UBFD1: variants seen among roughly 807,000 people sequenced by gnomAD.
UBFD1 encodes the protein ubiquitin family domain containing 1.
UBFD1 carries 12 observed loss-of-function variants against 35.1 expected under a neutral mutation model. That is an observed-to-expected ratio of 0.34 (90% CI 0.22 to 0.55). The LOEUF (loss-of-function observed/expected upper bound fraction) is 0.55, where lower values mean the gene tolerates loss of function less well. Ranked by LOEUF, UBFD1 falls within the 20% of genes least tolerant of loss-of-function variation. The pLI is 0.89. For missense variants in UBFD1, 337 were observed against 410.8 expected (o/e 0.82, Z 1.55); for synonymous variants, 178 against 167.6 (o/e 1.06, Z -0.48).
chr16:23,564,094 G>A (rs1216745661), intron 5 of UBFD1: 1 of 152,196 alleles, frequency 6.6e-6, no homozygotes, highest in African/African-American at 2.4e-5. Flanking sequence ...AGCACTGTAG[G>A]TATTCAGTGT....
intron 5 of UBFD1, chr16:23,566,593 C>A (rs954962530): frequency 1.8e-5 from 3 of 163,250 alleles, no homozygotes; most frequent in African/African-American, 7.2e-5. Flanking sequence ...AACTCCTGAT[C>A]TCAGGTGATC....
At chr16:23,559,249 T>C (rs1965890881) in intron 2 of UBFD1, 2 of 465,688 alleles carry the variant, frequency 4.3e-6, no homozygotes, top group South Asian at 5.0e-5. Context: ...ATTGGTCTCT[T>C]AATCCTTGAA....
At chr16:23,559,074 T>C (rs1231941526) in intron 2 of UBFD1, 1 of 160,468 alleles carries the variant, frequency 6.2e-6, no homozygotes, top group African/African-American at 2.4e-5. Flanking sequence ...GTAATCTCCA[T>C]TAAGAACAGG....
chr16:23,558,375 T>G, intron 2 of UBFD1, 96 bp downstream of exon 2: 1 of 1,443,660 alleles, frequency 6.9e-7, no homozygotes, highest in Non-Finnish European at 9.3e-7. Context: ...TTGCATCAGG[T>G]CCCCCCATCC....
chr16:23,566,381 G>A (rs1418622561), intron 5 of UBFD1: 1 of 151,908 alleles, frequency 6.6e-6, no homozygotes, highest in Admixed American at 6.6e-5. Context: ...TTTTTGTTGA[G>A]ATGGAGTTTC....
chr16:23,559,815 C>G (rs766038316), intron 3 of UBFD1, 139 bp downstream of exon 3: 1 of 1,544,182 alleles, frequency 6.5e-7, no homozygotes, highest in Non-Finnish European at 8.7e-7. Flanking sequence ...AGTTGGGTGC[C>G]GCAGAGTGGA....
At position 23,571,378 on chromosome 16, in the gene UBFD1, T is replaced by A. The variant is rs1966082535; in HGVS notation, c.*788T>A. ...GACTCCTGTTTAAATGTCTTGCCCT[T>A]TGGGCCCCCATCTCCAAGGAGTTCC... is the stretch of plus-strand genomic sequence containing the variant. On this transcript the variant is annotated 3_prime_UTR_variant, in exon 7 of 7. Coordinates refer to ENST00000395878, the MANE Select transcript of UBFD1 (RefSeq NM_019116.3). 1 of 152,522 alleles carries A rather than the reference T, an allele frequency of 6.6e-6. No individual in the cohort carries two copies. The highest frequency in any genetic ancestry group is 1.5e-5 in the Non-Finnish European group (1 of 68,100). The allele number at this position is 152,522 out of a possible 1,614,324, so 9.4% of individuals were successfully genotyped here.
Position 23,557,989 on chromosome 16 carries a change from T to A in UBFD1, c.65T>A (p.Val22Glu). ...GGCATGGACACGGAGGCCGAGACTG[T>A]GGCTACTGAGGCTCCCGCGCGGCCC... Reference protein sequence around the residue: ...EPGMDTEAETVATEAPARPVN... With the variant: ...EPGMDTEAETEATEAPARPVN... The change falls in exon 2 of 7, where the codon GTG (valine) becomes GAG (glutamate). Residue 22 changes from valine (V) to glutamate (E), a missense_variant. Physicochemically the swap from Val to Glu is moderately radical, Grantham distance 121. Coordinates refer to ENST00000395878, the MANE Select transcript of UBFD1 (RefSeq NM_019116.3). 1 of 1,371,072 alleles carries A rather than the reference T, an allele frequency of 7.3e-7. No homozygotes were observed. Among genetic ancestry groups the A allele is most frequent in the South Asian group, 2.3e-5 (1 of 43,810 alleles). 84.9% of individuals were successfully genotyped at this position (1,371,072 alleles called of 1,614,324 possible). A position where few individuals can be genotyped will look rare whatever the true frequency, so the allele number is the denominator to read the frequency against.
intron 6 of UBFD1, 42 bp downstream of exon 6, chr16:23,567,111 C>T: frequency 1.9e-6 from 3 of 1,570,900 alleles, no homozygotes; most frequent in East Asian, 2.2e-5. Flanking sequence ...CACTAGACTC[C>T]CACTTCACCT....
intron 6 of UBFD1, 121 bp downstream of exon 6, chr16:23,567,190 T>A: frequency 1.1e-6 from 1 of 877,584 alleles, no homozygotes; most frequent in Non-Finnish European, 1.8e-6. Context: ...TGCACTTTTT[T>A]AAGACCCTGA....
chr16:23,562,388 GT>G, intron 4 of UBFD1, 117 bp downstream of exon 4: 1 of 929,152 alleles, frequency 1.1e-6, no homozygotes, highest in Non-Finnish European at 1.6e-6. Flanking sequence ...TTGAGACAGA[GT>G]CTTGCTCTGT....
chr16:23,562,367 T>G (rs1965948821), intron 4 of UBFD1, 96 bp downstream of exon 4: 10 of 523,968 alleles, frequency 1.9e-5, no homozygotes, highest in East Asian at 5.4e-5. Flanking sequence ...TTTTTCCCTG[T>G]TTTTTTTTTT....
intron 6 of UBFD1, 77 bp downstream of exon 6, chr16:23,567,146 T>C (rs1966022593): frequency 7.2e-7 from 1 of 1,382,180 alleles, no homozygotes; most frequent in South Asian, 1.2e-5. Flanking sequence ...TTAACTGAGC[T>C]TGTTTAACGG....
intron 6 of UBFD1, among the ~76,000 whole-genome samples, chr16:23,567,813 A>G (rs75636406): frequency 0.083 from 12,666 of 152,310 alleles, 936 homozygotes; most frequent in African/African-American, 0.19. Context: ...GCCTCCGGCC[A>G]TTGTTCATCC....
In UBFD1 at chr16:23,572,183, G is replaced by A. The variant is rs1402329211; in HGVS notation, c.*1593G>A. 2.0e-5 allele frequency: 3 copies of A among 152,666 alleles called. No individual in the cohort carries two copies. Among genetic ancestry groups the A allele is most frequent in the Admixed American group, 6.5e-5 (1 of 15,286 alleles). The allele number at this position is 152,666 out of a possible 1,614,324, so 9.5% of individuals were successfully genotyped here. The stretch of plus-strand genomic sequence containing the variant: ...ACAGACTCTTGCTTTCCATGGTGTA[G>A]TCAATGCCAAGTGATGCATCTAGGC... On this transcript the variant is annotated 3_prime_UTR_variant, in exon 7 of 7. Coordinates refer to ENST00000395878, the MANE Select transcript of UBFD1 (RefSeq NM_019116.3).
intron 5 of UBFD1, among the ~76,000 whole-genome samples, chr16:23,563,728 G>C (rs1438981818): frequency 1.3e-5 from 2 of 152,158 alleles, no homozygotes; most frequent in Non-Finnish European, 2.9e-5. Flanking sequence ...TTAAATTTTG[G>C]TTCCAGCTTC....
Position 23,559,618 on chromosome 16 carries a change from C to G in UBFD1, c.506C>G (p.Ala169Gly). The change falls in exon 3 of 7, where the codon GCT becomes GGT. Residue 169 changes from alanine to glycine, a missense_variant. Physicochemically the swap from Ala to Gly is moderately conservative, Grantham distance 60 (BLOSUM62 0). Transcript: ENST00000395878. ...DVLAVNTPKD[A>G]AQQDAKAEEN... ...TTAGCAGTAAACACACCCAAAGATGCTGCGCAGCAGGATGCAAAGGCCGAA... is the reference window on the plus strand; with the variant it reads ...TTAGCAGTAAACACACCCAAAGATGGTGCGCAGCAGGATGCAAAGGCCGAA... 1 of 1,614,238 alleles carries G rather than the reference C, an allele frequency of 6.2e-7. No individual in the cohort carries two copies. Among genetic ancestry groups the G allele is most frequent in the Non-Finnish European group, 8.5e-7 (1 of 1,180,046 alleles).
Position 23,573,264 on chromosome 16 carries a change from G to A in UBFD1, c.*2674G>A, listed in dbSNP as rs773719717. ...AGAGTGACTGTAACAGCGTTGACTC[G>A]AAGCTAGAGATGGAGGGGGTGGCCG... On this transcript the variant is annotated 3_prime_UTR_variant, in exon 7 of 7. Transcript: ENST00000395878. 1.3e-5 allele frequency: 2 copies of A among 152,182 alleles called. No individual in the cohort carries two copies. The highest frequency in any genetic ancestry group is 2.1e-4 in the South Asian group (1 of 4,828). The allele number at this position is 152,182 out of a possible 1,614,324, so 9.4% of individuals were successfully genotyped here. A position where few individuals can be genotyped will look rare whatever the true frequency, so the allele number is the denominator to read the frequency against.
rs1307268580 is a variant in UBFD1 at position 23,558,195 on chromosome 16, A to G, written c.271A>G (p.Ile91Val). 1 of 1,609,638 alleles carries G rather than the reference A, an allele frequency of 6.2e-7. No homozygotes were observed. The highest frequency in any genetic ancestry group is 8.5e-7 in the Non-Finnish European group (1 of 1,178,326). Residue 91 changes from isoleucine to valine, a missense_variant, in exon 2 of 7, where the codon ATC becomes GTC. Around this residue, in one of 4 missense-constraint regions of UBFD1, gnomAD observed 198 missense variants for 168.4 expected, o/e 1.18. Coordinates refer to ENST00000395878, the MANE Select transcript of UBFD1 (RefSeq NM_019116.3). ...CAGGGAGCTGGTGGACTTGAAGATC[A>G]TCTGGAATAAGACCAAGCATGACGT... ...AGRELVDLKI[I>V]WNKTKHDVKF...
Sources: gnomAD v4.1 joint callset for allele counts (sites outside exome capture counted in the v4.1 genomes callset) on GRCh38, gnomAD v4.1.1 for gene constraint, gnomAD v4.1.1 regional missense constraint, MANE v1.5 for transcripts, NCBI Gene and HGNC (gene_info 2026-07-23, HGNC 2026-07-21) for gene names.